CTNNA2: variants seen among roughly 807,000 people sequenced by gnomAD.
CTNNA2 encodes catenin alpha-2.
Under a neutral mutation model 101.0 loss-of-function variants are expected in CTNNA2, and 42 were observed. The ratio of observed to expected loss-of-function variants is 0.42; its 90% CI spans 0.32 to 0.54. The LOEUF (loss-of-function observed/expected upper bound fraction) is 0.54. Among genes scored for constraint, CTNNA2 ranks in the 20% least tolerant of loss-of-function variants. The pLI is 0.14. For missense variants in CTNNA2, 871 were observed against 1,223.1 expected (o/e 0.71, Z 4.29); for synonymous variants, 450 against 456.4 (o/e 0.99, Z 0.18).
At chr2:79,518,395 C>T (rs1390110228) in intron 1 of CTNNA2, among the ~76,000 whole-genome samples, 1 of 152,118 alleles carries the variant, frequency 6.6e-6, no homozygotes, top group African/African-American at 2.4e-5. Context: ...GTCTCAAGGG[C>T]CACAGAGCCA....
chr2:79,845,077 A>G (rs199567811), intron 3 of CTNNA2, among the ~76,000 whole-genome samples: 7 of 144,350 alleles, frequency 4.8e-5, no homozygotes, highest in African/African-American at 1.5e-4. Flanking sequence ...GTATATATAT[A>G]TGTGTATATA....
intron 4 of CTNNA2, among the ~76,000 whole-genome samples, chr2:79,482,419 G>C (rs1294752502): frequency 1.3e-5 from 2 of 152,190 alleles, no homozygotes; most frequent in East Asian, 3.9e-4. Flanking sequence ...CAATGTACTA[G>C]GGATTTGGAA....
At chr2:79,807,831 A>G (rs1481949906) in intron 3 of CTNNA2, among the ~76,000 whole-genome samples, 1 of 152,206 alleles carries the variant, frequency 6.6e-6, no homozygotes, top group Non-Finnish European at 1.5e-5. Context: ...AGACTGTTAG[A>G]GGAAAATTAT....
At chr2:80,033,972 TA>T (rs70940069) in intron 7 of CTNNA2, among the ~76,000 whole-genome samples, 1,122 of 84,226 alleles carry the variant, frequency 0.013, 18 homozygotes, top group African/African-American at 0.048. Context: ...GCTTATAATG[TA>T]AAAAAAAAAA....
intron 6 of CTNNA2, among the ~76,000 whole-genome samples, chr2:79,879,889 T>C (rs2902106): frequency 0.86 from 131,508 of 152,184 alleles, 57,076 homozygotes; most frequent in East Asian, 0.95. Flanking sequence ...GCAGTTTTGT[T>C]ATGTATTGGT....
intron 7 of CTNNA2, among the ~76,000 whole-genome samples, chr2:80,037,838 C>A (rs1695770324): frequency 6.6e-6 from 1 of 152,010 alleles, no homozygotes. Flanking sequence ...TGAACTTGAC[C>A]ACTTCATTCT....
chr2:79,365,927 T>C (rs1173113534), intron 3 of CTNNA2, among the ~76,000 whole-genome samples: 1 of 152,188 alleles, frequency 6.6e-6, no homozygotes, highest in Non-Finnish European at 1.5e-5. Context: ...TGGATTGTAA[T>C]TGCTGCACAT....
chr2:79,816,375 T>C (rs563137124), intron 3 of CTNNA2, among the ~76,000 whole-genome samples: 11 of 152,238 alleles, frequency 7.2e-5, no homozygotes, highest in African/African-American at 2.6e-4. Flanking sequence ...CATTCAGTAT[T>C]ATGTTGGCTG....
chr2:79,210,486 G>A (rs1301871671), intron 2 of CTNNA2, among the ~76,000 whole-genome samples: 1 of 152,076 alleles, frequency 6.6e-6, no homozygotes, highest in Non-Finnish European at 1.5e-5. Flanking sequence ...CACACACAGT[G>A]TGTGTGAGAG....
At chr2:80,453,640 T>C (rs932691811) in intron 9 of CTNNA2, among the ~76,000 whole-genome samples, 3 of 152,094 alleles carry the variant, frequency 2.0e-5, no homozygotes, top group Non-Finnish European at 2.9e-5. Context: ...CGTGCTTAAA[T>C]AGGAAACACT....
At chr2:80,535,479 T>G (rs540710787) in intron 9 of CTNNA2, among the ~76,000 whole-genome samples, 1 of 152,312 alleles carries the variant, frequency 6.6e-6, no homozygotes, top group Admixed American at 6.5e-5. Flanking sequence ...TATTTATATT[T>G]TATAACTGAG....
intron 7 of CTNNA2, among the ~76,000 whole-genome samples, chr2:80,192,354 G>A (rs1004586668): frequency 2.0e-5 from 3 of 152,034 alleles, no homozygotes; most frequent in East Asian, 1.9e-4. Flanking sequence ...ACCACCATAC[G>A]ATTGTCTGTA....
Position 79,242,549 on chromosome 2 carries a change from C to T in CTNNA2, c.-406+44473C>T, listed in dbSNP as rs1674640252. On this transcript the variant is annotated intron_variant, in intron 2 of 21. Transcript: ENST00000466387. ...TCTCTCAACACTTTAGCACTCATCTCTTGCAAACAAGTCATTCTTCTCCAC... is the reference window on the plus strand; with the variant it reads ...TCTCTCAACACTTTAGCACTCATCTTTTGCAAACAAGTCATTCTTCTCCAC... 2.0e-5 allele frequency among the ~76,000 whole-genome samples: 3 copies of T among 152,130 alleles called. 1 individual carries two copies.
intron 2 of CTNNA2, among the ~76,000 whole-genome samples, chr2:79,290,598 A>G (rs1401259141): frequency 6.6e-6 from 1 of 152,114 alleles, no homozygotes; most frequent in East Asian, 1.9e-4. Flanking sequence ...AGAAGAACAC[A>G]CAAGCGGCTG....
At chr2:79,319,254 C>T (rs951786549) in intron 3 of CTNNA2, among the ~76,000 whole-genome samples, 1 of 152,182 alleles carries the variant, frequency 6.6e-6, no homozygotes, top group Non-Finnish European at 1.5e-5. Flanking sequence ...TTGCTCTCTC[C>T]TCCAGGTCCT....
chr2:79,549,361 C>T (rs7576912), intron 1 of CTNNA2, among the ~76,000 whole-genome samples: 51,478 of 151,988 alleles, frequency 0.34, 9,453 homozygotes, highest in East Asian at 0.5. Context: ...CAAAGCATTG[C>T]GCTTTCTCCT....
At position 80,009,726 on chromosome 2, in the gene CTNNA2, C is replaced by CTG. The variant is rs57813087; in HGVS notation, c.1056+99953_1056+99954dup. 4.8e-3 allele frequency among the ~76,000 whole-genome samples: 715 copies of CTG among 147,906 alleles called. 5 individuals are homozygous for CTG. Among genetic ancestry groups the CTG allele is most frequent in the African/African-American group, 0.013 (546 of 40,580 alleles). On this transcript the variant is annotated intron_variant, in intron 7 of 18. Transcript: ENST00000402739. ...TAGACTATACAAAGCTGGTGTGTGT[C>CTG]TGTGTGTGTGTGTGTGTGTGTGTGT...
chr2:79,247,448 A>G (rs1207695350), intron 2 of CTNNA2, among the ~76,000 whole-genome samples: 2 of 152,200 alleles, frequency 1.3e-5, no homozygotes, highest in East Asian at 3.8e-4. Context: ...TCATCAGGGC[A>G]CTTATTTTGG....
intron 4 of CTNNA2, among the ~76,000 whole-genome samples, chr2:79,386,985 G>A (rs146215000): frequency 1.2e-3 from 188 of 152,252 alleles, no homozygotes; most frequent in African/African-American, 3.8e-3. Flanking sequence ...GAGAAATATT[G>A]GTCTAAATAG....
Sources: allele counts gnomAD v4.1 joint callset (sites outside exome capture counted in the v4.1 genomes callset), GRCh38; gene constraint gnomAD v4.1.1; transcripts MANE v1.5; gene names NCBI Gene and HGNC (gene_info 2026-07-23, HGNC 2026-07-21).